Variants in KDM7A observed in about 807,000 individuals in gnomAD.
The protein encoded by KDM7A is lysine-specific demethylase 7A.
In KDM7A, 28 loss-of-function variants were observed where a neutral mutation model predicts 114.8. The ratio of observed to expected loss-of-function variants is 0.24; its 90% CI spans 0.18 to 0.33. The LOEUF is 0.33. Among genes scored for constraint, KDM7A ranks in the 10% least tolerant of loss-of-function variants. The pLI is 1.00. For synonymous variants in KDM7A, 423 were observed against 397.8 expected (o/e 1.06, Z -0.75); for missense variants, 942 against 1,142.5 (o/e 0.82, Z 2.53).
chr7:140,120,125 C>T (rs1413727008), intron 8 of KDM7A, among the ~76,000 whole-genome samples: 2 of 152,146 alleles, frequency 1.3e-5, no homozygotes, highest in Admixed American at 1.3e-4. Flanking sequence ...CTGAGTCTGA[C>T]TAGATTTTGT....
chr7:140,161,537 T>C (rs1794518618), intron 1 of KDM7A, among the ~76,000 whole-genome samples: 1 of 151,958 alleles, frequency 6.6e-6, no homozygotes, highest in African/African-American at 2.4e-5. Context: ...TGTTTTTTCG[T>C]TTTTTTGTTT....
chr7:140,111,472 T>C (rs2116771816), intron 10 of KDM7A, among the ~76,000 whole-genome samples: 1 of 152,352 alleles, frequency 6.6e-6, no homozygotes, highest in Non-Finnish European at 1.5e-5. Context: ...CTACTGTAAT[T>C]CTAACTACTA....
chr7:140,133,396 A>G, intron 3 of KDM7A, 143 bp downstream of exon 3: 1 of 542,658 alleles, frequency 1.8e-6, no homozygotes, highest in Non-Finnish European at 3.3e-6. Flanking sequence ...TATTTCGTTA[A>G]GGAAGAAAAA....
chr7:140,131,163 G>A (rs1019768759), intron 3 of KDM7A, among the ~76,000 whole-genome samples: 2 of 152,086 alleles, frequency 1.3e-5, no homozygotes, highest in Admixed American at 1.3e-4. Context: ...CACCGCGCCA[G>A]GCCTAGTAAG....
At chr7:140,143,348 G>A (rs943685512) in intron 1 of KDM7A, among the ~76,000 whole-genome samples, 10 of 152,062 alleles carry the variant, frequency 6.6e-5, no homozygotes, top group Non-Finnish European at 1.5e-4. Flanking sequence ...TCTGAGGACT[G>A]TCATCTGAAA....
At chr7:140,170,807 A>C (rs1794630356) in intron 1 of KDM7A, among the ~76,000 whole-genome samples, 1 of 152,240 alleles carries the variant, frequency 6.6e-6, no homozygotes, top group African/African-American at 2.4e-5. Flanking sequence ...CAAATACACT[A>C]TATTCCTAGC....
chr7:140,166,487 T>TC (rs1346115505), intron 1 of KDM7A, among the ~76,000 whole-genome samples: 1 of 151,632 alleles, frequency 6.6e-6, no homozygotes, highest in Non-Finnish European at 1.5e-5. Context: ...ATACAGGCAC[T>TC]CCCCACAATG....
chr7:140,120,478 T>A lies in KDM7A; in HGVS notation c.1103A>T (p.Asn368Ile). 6.2e-7 allele frequency: 1 copy of A among 1,613,066 alleles called. No individual in the cohort carries two copies. Among genetic ancestry groups the A allele is most frequent in the Non-Finnish European group, 8.5e-7 (1 of 1,179,210 alleles). ...GCCAATGTTAAGGTTGTGCAGGAAG[T>A]TCCCCCCAAAAGCCATACAGTCCTG... ...TSQDCMAFGG[N>I]FLHNLNIGMQ... Residue 368 changes from asparagine (N) to isoleucine (I), a missense_variant, in exon 8 of 20, where the codon AAC becomes ATC. By Grantham distance (149) the Asn-to-Ile change is moderately radical. Around this residue, in one of 4 missense-constraint regions of KDM7A, gnomAD observed 318 missense variants for 453.1 expected, o/e 0.70. Transcript: ENST00000397560.
At chr7:140,128,895 T>C (rs1466615241) in intron 4 of KDM7A, among the ~76,000 whole-genome samples, 1 of 152,226 alleles carries the variant, frequency 6.6e-6, no homozygotes. Flanking sequence ...GTCAACAACA[T>C]GGCAAGGGGT....
intron 9 of KDM7A, among the ~76,000 whole-genome samples, chr7:140,118,676 C>T (rs967577687): frequency 3.9e-5 from 5 of 129,010 alleles, no homozygotes; most frequent in African/African-American, 1.5e-4. Context: ...CTCGGCCTCC[C>T]AAAGTGCTAG....
intron 11 of KDM7A, among the ~76,000 whole-genome samples, chr7:140,107,819 G>T (rs964712068): frequency 6.6e-6 from 1 of 152,108 alleles, no homozygotes; most frequent in East Asian, 1.9e-4. Flanking sequence ...ATGTTGGCCC[G>T]CCTTGCTAGG....
intron 1 of KDM7A, among the ~76,000 whole-genome samples, chr7:140,152,613 G>A (rs1215061823): frequency 7.2e-6 from 1 of 138,140 alleles, no homozygotes; most frequent in East Asian, 2.0e-4. Flanking sequence ...GCGAGAGTGA[G>A]ACTCCGTTTC....
chr7:140,098,873 A>G lies in KDM7A; in HGVS notation c.1918+6T>C. ...GATCTTTAAAATAACCATTAAAAAAACATACCATTCAGTGGTTTTTGAGAT... is the reference window on the plus strand; with the variant it reads ...GATCTTTAAAATAACCATTAAAAAAGCATACCATTCAGTGGTTTTTGAGAT... On this transcript the variant is annotated splice_donor_region_variant and intron_variant, in intron 14 of 19. Coordinates refer to ENST00000397560, the MANE Select transcript of KDM7A (RefSeq NM_030647.2). 6.2e-7 allele frequency: 1 copy of G among 1,600,842 alleles called. No individual in the cohort carries two copies. Among genetic ancestry groups the G allele is most frequent in the Non-Finnish European group, 8.5e-7 (1 of 1,171,636 alleles).
intron 14 of KDM7A, among the ~76,000 whole-genome samples, chr7:140,098,411 C>T (rs1818150734): frequency 6.6e-6 from 1 of 152,080 alleles, no homozygotes; most frequent in Non-Finnish European, 1.5e-5. Context: ...AATTAATAAC[C>T]CAGTAGAGGC....
intron 1 of KDM7A, among the ~76,000 whole-genome samples, chr7:140,144,744 T>G (rs2116828345): frequency 6.7e-6 from 1 of 148,856 alleles, no homozygotes; most frequent in Non-Finnish European, 1.5e-5. Context: ...CACACCCTCA[T>G]GCTGAAACGT....
In KDM7A at chr7:140,140,137, G is replaced by A. The variant is rs1794248721; in HGVS notation, c.195-947C>T. On this transcript the variant is annotated intron_variant, in intron 1 of 19. Transcript: ENST00000397560. ...GGATTTGCTCCCTAACTCATTTAAT[G>A]ACAGCATAACCTTGGTACCAAAACT... Among the ~76,000 whole-genome samples the A allele has an allele frequency of 2.6e-5, 4 of 152,122 alleles. No homozygotes were observed. In the South Asian group the frequency reaches 8.3e-4, roughly 32 times the overall value.
At chr7:140,100,070 C>A in intron 12 of KDM7A, 47 bp from the exon 13 acceptor site, 1 of 1,605,396 alleles carries the variant, frequency 6.2e-7, no homozygotes, top group Non-Finnish European at 8.5e-7. Flanking sequence ...CCTCAGGTAG[C>A]CCTGTTCGAC....
chr7:140,169,572 G>A (rs58525624), intron 1 of KDM7A, among the ~76,000 whole-genome samples: 2,928 of 152,054 alleles, frequency 0.019, 82 homozygotes, highest in African/African-American at 0.067. Context: ...GTCGCCCACC[G>A]TGGAGTGCAG....
chr7:140,124,238 G>T (rs1818661950), intron 7 of KDM7A, among the ~76,000 whole-genome samples: 1 of 152,040 alleles, frequency 6.6e-6, no homozygotes, highest in Non-Finnish European at 1.5e-5. Flanking sequence ...GGAATGGGAA[G>T]TGACTGCTAA....
Sources: allele counts gnomAD v4.1 joint callset (sites outside exome capture counted in the v4.1 genomes callset), GRCh38; gene constraint gnomAD v4.1.1; regional missense constraint gnomAD v4.1.1; transcripts MANE v1.5; gene names NCBI Gene and HGNC (gene_info 2026-07-23, HGNC 2026-07-21).